The following ANKS1B variants were observed in gnomAD, a reference collection of about 807,000 sequenced individuals.
ANKS1B encodes ankyrin repeat and sterile alpha motif domain containing 1B.
In ANKS1B, 36 loss-of-function variants were observed where a neutral mutation model predicts 148.3. The observed-to-expected ratio is 0.24, with a 90% confidence interval of 0.19 to 0.32. The LOEUF is 0.32. Ranked by LOEUF, ANKS1B falls within the 10% of genes least tolerant of loss-of-function variation. ANKS1B has a pLI of 1.00. For synonymous variants in ANKS1B, 542 were observed against 560.8 expected (o/e 0.97, Z 0.47); for missense variants, 1,157 against 1,542.6 (o/e 0.75, Z 4.19).
chr12:99,120,802 G>C (rs940179771), intron 15 of ANKS1B, among the ~76,000 whole-genome samples: 1 of 152,110 alleles, frequency 6.6e-6, no homozygotes, highest in Admixed American at 6.5e-5. Flanking sequence ...GGGCATCCAC[G>C]TGGAAAAACA....
intron 20 of ANKS1B, among the ~76,000 whole-genome samples, chr12:98,804,353 A>C (rs911495706): frequency 6.6e-6 from 1 of 151,928 alleles, no homozygotes; most frequent in Non-Finnish European, 1.5e-5. Context: ...CTTAAGATTG[A>C]ATTTATTAGA....
At chr12:99,416,783 G>A (rs2094922614) in intron 11 of ANKS1B, among the ~76,000 whole-genome samples, 1 of 152,186 alleles carries the variant, frequency 6.6e-6, no homozygotes, top group South Asian at 2.1e-4. Context: ...ATTTTCTCCA[G>A]TATGTACCTT....
intron 1 of ANKS1B, among the ~76,000 whole-genome samples, chr12:99,829,663 A>G (rs926317715): frequency 4.0e-5 from 6 of 151,592 alleles, no homozygotes; most frequent in African/African-American, 1.5e-4. Flanking sequence ...ACAAACAAAC[A>G]AACAAAAAAT....
intron 11 of ANKS1B, among the ~76,000 whole-genome samples, chr12:99,433,442 T>C (rs1422148245): frequency 2.0e-5 from 3 of 152,136 alleles, no homozygotes; most frequent in African/African-American, 7.2e-5. Context: ...TATGGAAATA[T>C]TTTTGACCTC....
At chr12:99,601,970 T>C (rs146528880) in intron 9 of ANKS1B, among the ~76,000 whole-genome samples, 2,848 of 152,144 alleles carry the variant, frequency 0.019, 44 homozygotes, top group Non-Finnish European at 0.027. Context: ...CCAGCTCTTA[T>C]ACAAAAAGCT....
At chr12:98,741,469 G>A (rs1257856316), downstream of ANKS1B, among the ~76,000 whole-genome samples, 1 of 152,160 alleles carries the variant, frequency 6.6e-6, no homozygotes, top group Non-Finnish European at 1.5e-5. Context: ...CAACGATTTT[G>A]CGTGAAAATC....
intron 9 of ANKS1B, among the ~76,000 whole-genome samples, chr12:99,593,268 G>A (rs2097722702): frequency 6.6e-6 from 1 of 151,824 alleles, no homozygotes; most frequent in South Asian, 2.1e-4. Context: ...TTTTATTTTT[G>A]GTTTACAGTC....
intron 1 of ANKS1B, among the ~76,000 whole-genome samples, chr12:99,979,324 TG>T (rs1315720901): frequency 6.6e-6 from 1 of 151,980 alleles, no homozygotes; most frequent in Non-Finnish European, 1.5e-5. Flanking sequence ...AGAAAAGAGG[TG>T]TAACAGTTCA....
intron 10 of ANKS1B, among the ~76,000 whole-genome samples, chr12:99,452,182 T>C (rs906690350): frequency 6.6e-6 from 1 of 152,018 alleles, no homozygotes; most frequent in Admixed American, 6.6e-5. Context: ...AGGAAATATA[T>C]AAGCAAATGG....
chr12:98,785,472 AAAAAAG>A lies in ANKS1B; in HGVS notation c.3343-3341_3343-3336del, dbSNP rs1229429190. Among the ~76,000 whole-genome samples, 5 of 152,332 alleles carry A rather than the reference AAAAAAG, an allele frequency of 3.3e-5. No homozygotes were observed. In the South Asian group the frequency reaches 1.0e-3, roughly 32 times the overall value. On this transcript the variant is annotated intron_variant, in intron 22 of 26. Coordinates refer to ENST00000683438, the MANE Select transcript of ANKS1B (RefSeq NM_001352186.2). ...GCAACAGAGTGAGACTCCGTCTCAA[AAAAAAG>A]AAAAAGAAAAAGGAAAAAAAAGGCA... is the stretch of plus-strand genomic sequence containing the variant.
chr12:99,928,854 G>T (rs968579801), intron 1 of ANKS1B, among the ~76,000 whole-genome samples: 1 of 152,090 alleles, frequency 6.6e-6, no homozygotes. Flanking sequence ...CTACGAAAGG[G>T]AATCAGATAA....
intron 1 of ANKS1B, among the ~76,000 whole-genome samples, chr12:99,883,615 GCA>G (rs112173519): frequency 0.17 from 26,058 of 149,726 alleles, 2,724 homozygotes; most frequent in Non-Finnish European, 0.24. Context: ...TAGACTTGGG[GCA>G]GGGGGGAATC....
At chr12:99,501,397 C>T (rs1260137163) in intron 10 of ANKS1B, among the ~76,000 whole-genome samples, 2 of 152,132 alleles carry the variant, frequency 1.3e-5, no homozygotes, top group African/African-American at 4.8e-5. Flanking sequence ...ATTACATTTG[C>T]TTCCACTTGA....
At chr12:98,768,343 C>A (rs1327550225) in intron 25 of ANKS1B, among the ~76,000 whole-genome samples, 2 of 137,214 alleles carry the variant, frequency 1.5e-5, no homozygotes, top group Non-Finnish European at 3.0e-5. Flanking sequence ...AGATTCCAAG[C>A]AACAAAAGCA....
At chr12:99,184,767 T>C (rs1378436553) in intron 14 of ANKS1B, among the ~76,000 whole-genome samples, 1 of 152,204 alleles carries the variant, frequency 6.6e-6, no homozygotes, top group East Asian at 1.9e-4. Context: ...GACCTGAATT[T>C]CCTCTGCCAC....
At chr12:99,779,739 C>T in intron 6 of ANKS1B, 132 bp downstream of exon 6, 1 of 647,172 alleles carries the variant, frequency 1.5e-6, no homozygotes, top group Non-Finnish European at 2.6e-6. Flanking sequence ...GTTTAAAAGT[C>T]TACCAGAAAA....
intron 1 of ANKS1B, among the ~76,000 whole-genome samples, chr12:99,980,636 G>A (rs1402576175): frequency 5.3e-5 from 8 of 151,960 alleles, no homozygotes; most frequent in Admixed American, 5.2e-4. Context: ...TGTAAAGAAG[G>A]AAAGAGAGAG....
At chr12:99,543,323 A>G (rs1596673406) in intron 9 of ANKS1B, among the ~76,000 whole-genome samples, 2 of 152,144 alleles carry the variant, frequency 1.3e-5, no homozygotes, top group African/African-American at 4.8e-5. Flanking sequence ...AACAATAGCA[A>G]AAGTTGGCAA....
intron 9 of ANKS1B, among the ~76,000 whole-genome samples, chr12:99,506,090 A>T (rs557166844): frequency 2.0e-5 from 3 of 152,094 alleles, no homozygotes; most frequent in Non-Finnish European, 4.4e-5. Flanking sequence ...CCAGGAAAAT[A>T]TTCAAAATCT....
Sources: gnomAD v4.1 joint callset for allele counts (sites outside exome capture counted in the v4.1 genomes callset) on GRCh38, gnomAD v4.1.1 for gene constraint, MANE v1.5 for transcripts, NCBI Gene and HGNC (gene_info 2026-07-23, HGNC 2026-07-21) for gene names.